The following PTPRJ variants were observed in gnomAD, a reference collection of about 807,000 sequenced individuals.
PTPRJ encodes receptor-type tyrosine-protein phosphatase eta.
In PTPRJ, 129 loss-of-function variants were observed where a neutral mutation model predicts 141.3. The observed-to-expected ratio is 0.91, with a 90% CI of 0.79 to 1.06. The LOEUF is 1.06. PTPRJ is among the 50% of genes least tolerant of loss of function. The pLI is 0.00. For synonymous variants in PTPRJ, 610 were observed against 640.5 expected, an observed-to-expected ratio of 0.95 and a Z score of 0.72; for missense variants, 1,601 against 1,679.7, an observed-to-expected ratio of 0.95 and a Z score of 0.82.
intron 12 of PTPRJ, 36 bp from the exon 13 acceptor site, chr11:48,144,639 C>T (rs1350190717): frequency 1.3e-6 from 2 of 1,542,218 alleles, no homozygotes; most frequent in Non-Finnish European, 1.8e-6. Flanking sequence ...TCTGCCATCA[C>T]TTTCTTATGA....
intron 1 of PTPRJ, among the ~76,000 whole-genome samples, chr11:48,105,326 C>T (rs1165004722): frequency 6.6e-6 from 1 of 152,134 alleles, no homozygotes; most frequent in Non-Finnish European, 1.5e-5. Flanking sequence ...GGCACCTAAC[C>T]TGGGGCCTGG....
At chr11:47,993,443 C>T (rs1854248316) in intron 1 of PTPRJ, among the ~76,000 whole-genome samples, 1 of 152,048 alleles carries the variant, frequency 6.6e-6, no homozygotes, top group African/African-American at 2.4e-5. Flanking sequence ...CAGATGTGCA[C>T]CACCACACCC....
chr11:48,020,047 A>G (rs912310904), intron 1 of PTPRJ, among the ~76,000 whole-genome samples: 3 of 152,176 alleles, frequency 2.0e-5, no homozygotes, highest in Non-Finnish European at 4.4e-5. Context: ...CCCTGTTTCT[A>G]TGCTGTTCCA....
intron 1 of PTPRJ, among the ~76,000 whole-genome samples, chr11:48,022,268 C>A (rs969448239): frequency 1.3e-5 from 2 of 152,112 alleles, no homozygotes; most frequent in Middle Eastern, 3.4e-3. Context: ...AGTTCGAGAC[C>A]AGCCTGGCCA....
At position 48,137,184 on chromosome 11, in the gene PTPRJ, T is replaced by C; in HGVS notation, c.2055T>C (p.Thr685=). 1 of 1,613,330 alleles carries C rather than the reference T, an allele frequency of 6.2e-7. No homozygotes were observed. The highest frequency in any genetic ancestry group is 8.5e-7 in the Non-Finnish European group (1 of 1,179,248). Residue 685 remains threonine, a synonymous_variant, in exon 10 of 25, where the codon ACT becomes ACC. Transcript: ENST00000418331. ...TDIGITDATV[T]ELIPGSSYTV... is the part of the protein sequence containing the mutation. The stretch of plus-strand genomic sequence containing the variant: ...TTGGAATTACTGACGCTACAGTCAC[T>C]GAATTAATACCTGGCTCATCATACA...
chr11:48,123,893 C>T lies in PTPRJ; in HGVS notation c.874+23C>T, dbSNP rs116759207. On this transcript the variant is annotated intron_variant, in intron 5 of 24. Coordinates refer to ENST00000418331, the MANE Select transcript of PTPRJ (RefSeq NM_002843.4). ...TGGGTGAGTTACAAAGGGTACCTTC[C>T]GTCTCCCTTACTGGTTCTTACTTTC... The T allele has an allele frequency of 1.2e-3, 1,954 of 1,605,596 alleles. 29 individuals are homozygous for T. The African/African-American group carries it at 0.024, about 19-fold the overall frequency.
chr11:48,166,153 G>A (rs979022856), intron 24 of PTPRJ, among the ~76,000 whole-genome samples: 4 of 151,548 alleles, frequency 2.6e-5, no homozygotes, highest in African/African-American at 4.9e-5. Flanking sequence ...GTGAGCCACC[G>A]TGCCTGGCCT....
chr11:48,037,808 T>C (rs1309273920), intron 1 of PTPRJ, among the ~76,000 whole-genome samples: 1 of 151,850 alleles, frequency 6.6e-6, no homozygotes, highest in Non-Finnish European at 1.5e-5. Context: ...AGCAAAACTC[T>C]GCCTCAAAAA....
chr11:48,090,390 G>A (rs1467709955), intron 1 of PTPRJ, among the ~76,000 whole-genome samples: 1 of 152,240 alleles, frequency 6.6e-6, no homozygotes, highest in Non-Finnish European at 1.5e-5. Context: ...CTTGAAGGGC[G>A]TGGCATCTGA....
chr11:48,049,276 C>G (rs770147935), intron 1 of PTPRJ, among the ~76,000 whole-genome samples: 1 of 152,084 alleles, frequency 6.6e-6, no homozygotes, highest in Non-Finnish European at 1.5e-5. Context: ...TGCCAGATGT[C>G]CCCTGGGGGA....
chr11:48,094,435 T>C (rs750973762), intron 1 of PTPRJ, among the ~76,000 whole-genome samples: 2 of 152,104 alleles, frequency 1.3e-5, no homozygotes, highest in Non-Finnish European at 2.9e-5. Flanking sequence ...TTGACAGGGG[T>C]TGATGTCCGA....
In PTPRJ at chr11:48,158,232, T is replaced by G. The variant is rs1857662294; in HGVS notation, c.3439-1698T>G. ...GCCCAGGGCCTTATACATGAAACAT[T>G]CTTATAAATCTATCTGTTAGACAAA... On this transcript the variant is annotated intron_variant, in intron 21 of 24. Coordinates refer to ENST00000418331, the MANE Select transcript of PTPRJ (RefSeq NM_002843.4). The surrounding 1 kb of genome is among the most constrained non-coding windows in gnomAD (Gnocchi z 4.4). Among the ~76,000 whole-genome samples the G allele has an allele frequency of 6.6e-6, 1 of 152,210 alleles. No homozygotes were observed. The highest frequency in any genetic ancestry group is 2.4e-5 in the African/African-American group (1 of 41,448).
chr11:48,052,292 T>G (rs1196494638), intron 1 of PTPRJ, among the ~76,000 whole-genome samples: 1 of 152,244 alleles, frequency 6.6e-6, no homozygotes, highest in East Asian at 1.9e-4. Context: ...CATAGATGGA[T>G]GCTTTTCAGG....
chr11:48,139,595 C>T lies in PTPRJ; in HGVS notation c.2262C>T (p.Val754=), dbSNP rs149209002. The T allele has an allele frequency of 3.3e-5, 53 of 1,614,248 alleles. No homozygotes were observed. In the African/African-American group the frequency reaches 6.0e-4, roughly 18 times the overall value. ...PGANAGFELE[V]SSGAWNNATH... is the part of the protein sequence containing the mutation. Reference sequence around the variant, plus strand: ...CCAATGCAGGCTTTGAGCTGGAGGTCAGCAGTGGAGCCTGGAACAATGCGA... The same window carrying T: ...CCAATGCAGGCTTTGAGCTGGAGGTTAGCAGTGGAGCCTGGAACAATGCGA... Residue 754 remains valine (V), a synonymous_variant, in exon 11 of 25, where the codon GTC becomes GTT. Transcript: ENST00000418331.
At chr11:48,026,176 TCTTA>T (rs1174182637) in intron 1 of PTPRJ, among the ~76,000 whole-genome samples, 6 of 152,020 alleles carry the variant, frequency 3.9e-5, no homozygotes, top group South Asian at 2.1e-4. Flanking sequence ...AAGGTTCGAG[TCTTA>T]CTTACTGTGT....
intron 1 of PTPRJ, among the ~76,000 whole-genome samples, chr11:48,097,503 G>T (rs1856039839): frequency 6.6e-6 from 1 of 152,048 alleles, no homozygotes; most frequent in Non-Finnish European, 1.5e-5. Context: ...GATGTGAAAA[G>T]TTGTTCTTGC....
At chr11:48,008,026 T>G (rs1299830099) in intron 1 of PTPRJ, among the ~76,000 whole-genome samples, 1 of 152,192 alleles carries the variant, frequency 6.6e-6, no homozygotes, top group East Asian at 1.9e-4. Flanking sequence ...CACAGGGTAT[T>G]CAGTAACGTA....
chr11:47,989,029 G>C (rs1249942349), intron 1 of PTPRJ, among the ~76,000 whole-genome samples: 2 of 150,462 alleles, frequency 1.3e-5, no homozygotes, highest in African/African-American at 2.4e-5. Context: ...GACTACAGGC[G>C]CCCGCCACCA....
At chr11:48,165,827 T>C (rs911423264) in intron 24 of PTPRJ, among the ~76,000 whole-genome samples, 3 of 152,122 alleles carry the variant, frequency 2.0e-5, no homozygotes, top group African/African-American at 7.2e-5. Context: ...ACAATACTTA[T>C]TCATATGAAA....
Sources: allele counts gnomAD v4.1 joint callset (sites outside exome capture counted in the v4.1 genomes callset), GRCh38; gene constraint gnomAD v4.1.1; non-coding constraint Gnocchi (gnomAD v3.1); transcripts MANE v1.5; gene names NCBI Gene and HGNC (gene_info 2026-07-23, HGNC 2026-07-21).